Variants in HSPA4 observed in about 807,000 individuals in gnomAD.
HSPA4 encodes heat shock 70 kDa protein 4.
In HSPA4, 25 loss-of-function variants were observed where a neutral mutation model predicts 106.2. The ratio of observed to expected loss-of-function variants is 0.24; its 90% CI spans 0.17 to 0.33. HSPA4 has a LOEUF of 0.33. HSPA4 is among the 10% of genes least tolerant of loss of function. The probability of loss-of-function intolerance (pLI) is 1.00; values close to 1 mark genes in which losing one functional copy is unlikely to be tolerated. For synonymous variants in HSPA4, 332 were observed against 333.6 expected, an observed-to-expected ratio of 1.00 and a Z score of 0.05; for missense variants, 841 against 996.0, an observed-to-expected ratio of 0.84 and a Z score of 2.10.
chr5:133,074,137 AT>A lies in HSPA4; in HGVS notation c.663+19del, dbSNP rs540903929. 68 of 1,564,846 alleles carry A rather than the reference AT, an allele frequency of 4.3e-5. No individual in the cohort carries two copies. The highest frequency in any genetic ancestry group is 4.0e-4 in the African/African-American group (29 of 72,440). The stretch of plus-strand genomic sequence containing the variant: ...AGAGGAAAACTGAAAGTAAGTATAT[AT>A]TTTTTTTCCAGAAGACTGTTAGTAG... On this transcript the variant is annotated intron_variant, in intron 6 of 18. Transcript: ENST00000304858.
At chr5:133,068,937 G>A (rs918363783) in intron 3 of HSPA4, among the ~76,000 whole-genome samples, 17 of 152,260 alleles carry the variant, frequency 1.1e-4, no homozygotes, top group Middle Eastern at 6.8e-3. Context: ...ATTTAGAAAG[G>A]GCACCAGGAG....
At chr5:133,052,449 G>C in intron 1 of HSPA4, 92 bp downstream of exon 1, 1 of 890,092 alleles carries the variant, frequency 1.1e-6, no homozygotes, top group Non-Finnish European at 1.7e-6. Flanking sequence ...AACGCGGGCC[G>C]AGGAGTCGCC....
At chr5:133,103,612 T>C (rs771253033) in intron 17 of HSPA4, among the ~76,000 whole-genome samples, 53 of 152,236 alleles carry the variant, frequency 3.5e-4, no homozygotes, top group Non-Finnish European at 7.6e-4. Flanking sequence ...CGGGTGCTGC[T>C]GTTTATCTTG....
chr5:133,058,721 G>C (rs577425983), intron 1 of HSPA4, among the ~76,000 whole-genome samples: 1 of 151,852 alleles, frequency 6.6e-6, no homozygotes, highest in South Asian at 2.1e-4. Flanking sequence ...GGCCGGGTGT[G>C]GTGGTTTACA....
In HSPA4 at chr5:133,105,402, T is replaced by C. The variant is rs1765844250; in HGVS notation, c.*966T>C. On this transcript the variant is annotated 3_prime_UTR_variant, in exon 19 of 19. Transcript: ENST00000304858. ...TGTCATGAACCTGCCAATTTGTACGTGTTAAGCAGCTGACAGATGATGCAA... is the reference window on the plus strand; with the variant it reads ...TGTCATGAACCTGCCAATTTGTACGCGTTAAGCAGCTGACAGATGATGCAA... The C allele has an allele frequency of 6.6e-6, 1 of 152,196 alleles. No homozygotes were observed. Among genetic ancestry groups the C allele is most frequent in the Admixed American group, 6.5e-5 (1 of 15,282 alleles). The allele number at this position is 152,196 out of a possible 1,614,324, so 9.4% of individuals were successfully genotyped here. A position where few individuals can be genotyped will look rare whatever the true frequency, so the allele number is the denominator to read the frequency against.
chr5:133,097,377 AG>A, intron 15 of HSPA4, 91 bp downstream of exon 15: 1 of 1,100,454 alleles, frequency 9.1e-7, no homozygotes, highest in Non-Finnish European at 1.3e-6. Context: ...ATATGTGTAT[AG>A]TAGAATTATT....
intron 1 of HSPA4, among the ~76,000 whole-genome samples, chr5:133,057,544 G>A (rs1765182282): frequency 6.6e-6 from 1 of 152,142 alleles, no homozygotes. Flanking sequence ...TTATAAAAAT[G>A]AAACTATACC....
At chr5:133,093,207 AGT>A (rs1765672107) in intron 13 of HSPA4, among the ~76,000 whole-genome samples, 1 of 152,028 alleles carries the variant, frequency 6.6e-6, no homozygotes, top group African/African-American at 2.4e-5. Context: ...CTTGAAAGAT[AGT>A]TATACTAGAA....
At chr5:133,103,739 GA>G (rs1244066561) in intron 17 of HSPA4, 125 bp from the exon 18 acceptor site, 7 of 716,828 alleles carry the variant, frequency 9.8e-6, no homozygotes, top group Non-Finnish European at 1.6e-5. Context: ...TTCAGATTGT[GA>G]GGCTAAATAT....
In HSPA4 at chr5:133,086,846, T is replaced by C. The variant is rs1765584694; in HGVS notation, c.973T>C (p.Leu325=). The change falls in exon 8 of 19, where the codon TTG becomes CTG. Residue 325 remains leucine, a synonymous_variant. Transcript: ENST00000304858. ...AGTGGAGCCACCACTTCGTAGTGTT[T>C]TGGAACAAACCAGTAAGTATTTTTG... ...ARVEPPLRSV[L]EQTKLKKEDI... is the part of the protein sequence containing the mutation. The C allele has an allele frequency of 6.2e-7, 1 of 1,611,608 alleles. No homozygotes were observed.
chr5:133,058,659 C>G (rs771839053), intron 1 of HSPA4, among the ~76,000 whole-genome samples: 1 of 151,452 alleles, frequency 6.6e-6, no homozygotes, highest in African/African-American at 2.4e-5. Context: ...GCCTGGCCAT[C>G]AGGAGTGAAA....
intron 15 of HSPA4, among the ~76,000 whole-genome samples, chr5:133,097,753 T>C (rs1251015982): frequency 6.6e-6 from 1 of 151,886 alleles, no homozygotes; most frequent in Non-Finnish European, 1.5e-5. Flanking sequence ...TTCTCCATGT[T>C]GATCAGGCTG....
chr5:133,101,944 T>G, intron 17 of HSPA4, 66 bp downstream of exon 17: 2 of 843,054 alleles, frequency 2.4e-6, no homozygotes, highest in South Asian at 3.6e-5. Flanking sequence ...TTTTTTTTTT[T>G]GAGACGGAGT....
rs58722769 is a variant in HSPA4, at chr5:133,053,328, C to CTTTTTTT, written c.107+984_107+990dup. On this transcript the variant is annotated intron_variant, in intron 1 of 18. Transcript: ENST00000304858. ...TTATTTGCCATTCAGGGTCTCTCTTCTTTTTTTTTTTTTTTTTTTCTTTTT... is the reference window on the plus strand; with the variant it reads ...TTATTTGCCATTCAGGGTCTCTCTTCTTTTTTTTTTTTTTTTTTTTTTTTTTCTTTTT... Among the ~76,000 whole-genome samples, 55 of 129,218 alleles carry CTTTTTTT rather than the reference C, an allele frequency of 4.3e-4. 7 individuals are homozygous for CTTTTTTT. The highest frequency in any genetic ancestry group is 4.7e-4 in the African/African-American group (16 of 34,116). 84.8% of individuals were successfully genotyped at this position (129,218 alleles called of 152,430 possible). A position where few individuals can be genotyped will look rare whatever the true frequency, so the allele number is the denominator to read the frequency against.
intron 1 of HSPA4, chr5:133,052,825 G>GTT: frequency 6.5e-6 from 1 of 153,770 alleles, no homozygotes; most frequent in East Asian, 1.9e-4. Flanking sequence ...ACCGTGGAGC[G>GTT]GTCAGCGTCC....
At chr5:133,098,492 T>G (rs1484451192) in intron 15 of HSPA4, among the ~76,000 whole-genome samples, 1 of 142,294 alleles carries the variant, frequency 7.0e-6, no homozygotes, top group Non-Finnish European at 1.5e-5. Flanking sequence ...TTTTTTTTTT[T>G]GTATTTTTTT....
In HSPA4 at chr5:133,104,697, T is replaced by A. The variant is rs534186527; in HGVS notation, c.*261T>A. On this transcript the variant is annotated 3_prime_UTR_variant, in exon 19 of 19. Coordinates refer to ENST00000304858, the MANE Select transcript of HSPA4 (RefSeq NM_002154.4). The stretch of plus-strand genomic sequence containing the variant: ...TTACTGAGCTTATGCTTCACTCCTT[T>A]ATGTTTAACCATGTGTCTACAAGAA... 9.7e-6 allele frequency: 4 copies of A among 412,174 alleles called. No individual in the cohort carries two copies. In the East Asian group the frequency reaches 1.9e-4, roughly 20 times the overall value. The allele number at this position is 412,174 out of a possible 1,614,324, so 25.5% of individuals were successfully genotyped here.
At chr5:133,061,125 C>CTTT (rs576430090) in intron 1 of HSPA4, among the ~76,000 whole-genome samples, 11 of 135,820 alleles carry the variant, frequency 8.1e-5, no homozygotes, top group Non-Finnish European at 8.0e-5. Context: ...GTTTTCTTTT[C>CTTT]TTTTTTTTTT....
At position 133,104,038 on chromosome 5, in the gene HSPA4, C is replaced by T; in HGVS notation, c.2319+12C>T. 6.2e-7 allele frequency: 1 copy of T among 1,601,186 alleles called. No individual in the cohort carries two copies. The highest frequency in any genetic ancestry group is 8.5e-7 in the Non-Finnish European group (1 of 1,172,194). On this transcript the variant is annotated intron_variant, in intron 18 of 18. Coordinates refer to ENST00000304858, the MANE Select transcript of HSPA4 (RefSeq NM_002154.4). ...AAGCTAAAATTAAGGTAATTTAAGA[C>T]TTTTTTTTAATAGTCTTTTCTTGAC...
Sources: gnomAD v4.1 joint callset for allele counts (sites outside exome capture counted in the v4.1 genomes callset) on GRCh38, gnomAD v4.1.1 for gene constraint, MANE v1.5 for transcripts, NCBI Gene and HGNC (gene_info 2026-07-23, HGNC 2026-07-21) for gene names.